The following FAM234B variants were observed in gnomAD, a reference collection of about 807,000 sequenced individuals.
The protein encoded by FAM234B is protein FAM234B.
In FAM234B, 33 loss-of-function variants were observed where a neutral mutation model predicts 69.3. The ratio of observed to expected loss-of-function variants is 0.48; its 90% CI spans 0.36 to 0.64. The LOEUF (loss-of-function observed/expected upper bound fraction) is 0.64. Among genes scored for constraint, FAM234B ranks in the 30% least tolerant of loss-of-function variants. The probability of loss-of-function intolerance (pLI) is 0.00; values close to 1 mark genes in which losing one functional copy is unlikely to be tolerated. For synonymous variants in FAM234B, 306 were observed against 306.9 expected (o/e 1.00, Z 0.03); for missense variants, 697 against 769.7 (o/e 0.91, Z 1.12).
rs1467435297 is a variant in FAM234B, at chr12:13,082,708, A to G, written c.*2078A>G. ...TGTGGTTTGGCTGAGCTGTCCGGGC[A>G]TAACCTGGTTCTCTGTTATGTTAAG... On this transcript the variant is annotated 3_prime_UTR_variant, in exon 13 of 13. Coordinates refer to ENST00000197268, the MANE Select transcript of FAM234B (RefSeq NM_020853.2). 6.6e-6 allele frequency: 1 copy of G among 152,202 alleles called. No individual in the cohort carries two copies. Among genetic ancestry groups the G allele is most frequent in the African/African-American group, 2.4e-5 (1 of 41,430 alleles). 9.4% of individuals were successfully genotyped at this position (152,202 alleles called of 1,614,324 possible). A position where few individuals can be genotyped will look rare whatever the true frequency, so the allele number is the denominator to read the frequency against.
chr12:13,058,061 G>T (rs1864949400), intron 2 of FAM234B, among the ~76,000 whole-genome samples: 1 of 152,140 alleles, frequency 6.6e-6, no homozygotes, highest in African/African-American at 2.4e-5. Flanking sequence ...CACCTTTCCT[G>T]GGCTTTTGGC....
At chr12:13,061,536 G>A (rs1864982176) in intron 3 of FAM234B, 39 bp from the exon 4 acceptor site, 1 of 1,558,908 alleles carries the variant, frequency 6.4e-7, no homozygotes, top group Admixed American at 1.8e-5. Context: ...TATCTCCTTT[G>A]CCTGCTTTCC....
intron 9 of FAM234B, among the ~76,000 whole-genome samples, chr12:13,070,924 A>T (rs1289142347): frequency 6.6e-6 from 1 of 152,182 alleles, no homozygotes; most frequent in Non-Finnish European, 1.5e-5. Flanking sequence ...GCGTGTCCAC[A>T]TCACTTCCTG....
intron 10 of FAM234B, among the ~76,000 whole-genome samples, chr12:13,072,716 C>T (rs1038861857): frequency 9.3e-5 from 13 of 139,596 alleles, no homozygotes; most frequent in African/African-American, 2.5e-4. Context: ...GGCGACAGTG[C>T]GAGACTTTGT....
chr12:13,050,674 A>G (rs914236209), intron 1 of FAM234B, among the ~76,000 whole-genome samples: 2 of 152,164 alleles, frequency 1.3e-5, no homozygotes, highest in Non-Finnish European at 2.9e-5. Flanking sequence ...GTGTGATCTT[A>G]GTCATTTTAC....
At chr12:13,072,476 A>G (rs1865116708) in intron 10 of FAM234B, among the ~76,000 whole-genome samples, 1 of 152,220 alleles carries the variant, frequency 6.6e-6, no homozygotes, top group Non-Finnish European at 1.5e-5. Context: ...TCATGCCTGT[A>G]ATCCCAGCAC....
chr12:13,058,635 AGAGAAG>A, intron 3 of FAM234B, 86 bp downstream of exon 3: 1 of 1,133,650 alleles, frequency 8.8e-7, no homozygotes, highest in Non-Finnish European at 1.3e-6. Context: ...GTGGTACTGC[AGAGAAG>A]GATCTGCAGT....
At chr12:13,053,245 T>G (rs1565506878) in intron 1 of FAM234B, among the ~76,000 whole-genome samples, 2 of 152,224 alleles carry the variant, frequency 1.3e-5, no homozygotes, top group Non-Finnish European at 2.9e-5. Flanking sequence ...GGATTTTTTT[T>G]GAAAGTACTT....
chr12:13,070,172 G>GATATATATATAT (rs66463903), intron 9 of FAM234B, among the ~76,000 whole-genome samples: 64 of 139,744 alleles, frequency 4.6e-4, no homozygotes, highest in African/African-American at 1.6e-3. Context: ...ATTAAAAAAA[G>GATATATATATAT]ATATATATAT....
In FAM234B at chr12:13,044,419, T is replaced by A; in HGVS notation, c.16T>A (p.Ser6Thr). Reference sequence around the variant, plus strand: ...GGCCTCAGCCATGGCGACCGTGCTGTCCAGGGCGCTCAAGCTGCCGGGTAA... The same window carrying A: ...GGCCTCAGCCATGGCGACCGTGCTGACCAGGGCGCTCAAGCTGCCGGGTAA... MATVLSRALKLPGKKS... is the reference protein window; with the variant it reads MATVLTRALKLPGKKS... Residue 6 changes from serine to threonine, a missense_variant, in exon 1 of 13, where the codon TCC becomes ACC. By Grantham distance (58) the Ser-to-Thr change is moderately conservative (BLOSUM62 1). This residue lies in a region of FAM234B where 380 missense variants were observed against 447.1 expected (regional missense o/e 0.85). Coordinates refer to ENST00000197268, the MANE Select transcript of FAM234B (RefSeq NM_020853.2). This position sits in a 1 kb window ranked among gnomAD's most constrained non-coding sequence, Gnocchi z 5.6. 6.4e-7 allele frequency: 1 copy of A among 1,551,800 alleles called. No homozygotes were observed. Among genetic ancestry groups the A allele is most frequent in the Middle Eastern group, 1.7e-4 (1 of 5,894 alleles).
intron 11 of FAM234B, among the ~76,000 whole-genome samples, chr12:13,078,308 C>T (rs1865184481): frequency 6.6e-6 from 1 of 152,142 alleles, no homozygotes; most frequent in African/African-American, 2.4e-5. Context: ...CTTTTGTTGC[C>T]ATTGCTTTTG....
chr12:13,079,747 T>G, intron 11 of FAM234B, 42 bp from the exon 12 acceptor site: 1 of 1,238,506 alleles, frequency 8.1e-7, no homozygotes. Flanking sequence ...TAGTGGACGG[T>G]ATGTGTCCAT....
chr12:13,057,257 T>G (rs1864940040), intron 2 of FAM234B, among the ~76,000 whole-genome samples: 1 of 152,150 alleles, frequency 6.6e-6, no homozygotes, highest in Non-Finnish European at 1.5e-5. Flanking sequence ...GGATTATAGT[T>G]GTGAGCCACT....
intron 8 of FAM234B, 35 bp downstream of exon 8, chr12:13,068,482 T>C (rs1185114525): frequency 1.2e-6 from 2 of 1,608,952 alleles, no homozygotes; most frequent in Admixed American, 1.7e-5. Context: ...TTTGCTGTTT[T>C]GATCCACTTT....
chr12:13,060,941 C>T (rs1864976721), intron 3 of FAM234B, among the ~76,000 whole-genome samples: 1 of 152,112 alleles, frequency 6.6e-6, no homozygotes, highest in Admixed American at 6.5e-5. Context: ...TGACTGGGAC[C>T]AAATCAATTG....
intron 2 of FAM234B, among the ~76,000 whole-genome samples, chr12:13,056,380 A>G (rs1393352812): frequency 6.6e-6 from 1 of 152,228 alleles, no homozygotes; most frequent in Admixed American, 6.5e-5. Flanking sequence ...AAATAATTTC[A>G]TTTCCTGTAA....
intron 3 of FAM234B, among the ~76,000 whole-genome samples, chr12:13,061,174 C>T (rs1012593287): frequency 1.3e-5 from 2 of 152,140 alleles, no homozygotes; most frequent in Non-Finnish European, 1.5e-5. Context: ...ACTACTTTTT[C>T]GCATTCTTGA....
intron 1 of FAM234B, among the ~76,000 whole-genome samples, chr12:13,048,873 G>T (rs1166149755): frequency 6.6e-6 from 1 of 152,180 alleles, no homozygotes; most frequent in Non-Finnish European, 1.5e-5. Context: ...TTACATGGTG[G>T]CGGCAAGAGA....
chr12:13,071,337 G>A lies in FAM234B; in HGVS notation c.1465G>A (p.Asp489Asn), dbSNP rs754698936. 13 of 1,614,176 alleles carry A rather than the reference G, an allele frequency of 8.1e-6. No individual in the cohort carries two copies. Among genetic ancestry groups the A allele is most frequent in the Non-Finnish European group, 1.1e-5 (13 of 1,180,034 alleles). The change falls in exon 10 of 13, where the codon GAC becomes AAC. Residue 489 changes from aspartate (D) to asparagine (N), a missense_variant. Asp to Asn is a conservative substitution (Grantham distance 23). Transcript: ENST00000197268. ...ETPATSAVTS[D>N]QKSVFLFWAE... is the part of the protein sequence containing the mutation. ...GCCAGCCACCTCAGCAGTTACTTCAGACCAGAAGTCTGTCTTCCTCTTCTG... is the reference window on the plus strand; with the variant it reads ...GCCAGCCACCTCAGCAGTTACTTCAAACCAGAAGTCTGTCTTCCTCTTCTG...
Sources: gnomAD v4.1 joint callset for allele counts (sites outside exome capture counted in the v4.1 genomes callset) on GRCh38, gnomAD v4.1.1 for gene constraint, gnomAD v4.1.1 regional missense constraint, Gnocchi (gnomAD v3.1) non-coding constraint, MANE v1.5 for transcripts, NCBI Gene and HGNC (gene_info 2026-07-23, HGNC 2026-07-21) for gene names.